TBXAS1: variants seen among roughly 807,000 people sequenced by gnomAD.
TBXAS1 encodes the protein thromboxane A synthase 1.
A neutral mutation model predicts 60.7 loss-of-function variants in TBXAS1; 48 were observed. The ratio of observed to expected loss-of-function variants is 0.79; its 90% CI spans 0.63 to 1.01. TBXAS1 has a LOEUF of 1.01. TBXAS1 is among the 50% of genes least tolerant of loss of function. TBXAS1 has a pLI of 0.00. For missense variants in TBXAS1, 685 were observed against 686.3 expected, an observed-to-expected ratio of 1.00 and a Z score of 0.02; for synonymous variants, 287 against 269.7, an observed-to-expected ratio of 1.06 and a Z score of -0.63.
At chr7:139,968,021 T>C (rs1404712462) in intron 9 of TBXAS1, among the ~76,000 whole-genome samples, 1 of 152,230 alleles carries the variant, frequency 6.6e-6, no homozygotes, top group African/African-American at 2.4e-5. Flanking sequence ...CTCAGCAGTT[T>C]TGCCTTATTG....
chr7:139,989,632 T>C (rs953433122), intron 9 of TBXAS1, among the ~76,000 whole-genome samples: 1 of 152,150 alleles, frequency 6.6e-6, no homozygotes, highest in African/African-American at 2.4e-5. Flanking sequence ...CCTCACAGCA[T>C]CCTCCCCATC....
rs988553191 is a variant in TBXAS1 at position 139,953,376 on chromosome 7, C to A, written c.459C>A (p.Pro153=). ...FSPEKLNEMV[P]LISQACDLLL... ...TTGTTATCCATTATCAGATGGTTCCCCTCATCAGCCAAGCCTGCGACCTTC... is the reference window on the plus strand; with the variant it reads ...TTGTTATCCATTATCAGATGGTTCCACTCATCAGCCAAGCCTGCGACCTTC... Residue 153 remains proline, a synonymous_variant, in exon 6 of 13, where the codon CCC becomes CCA. Coordinates refer to ENST00000448866, the MANE Select transcript of TBXAS1 (RefSeq NM_001061.7). The A allele has an allele frequency of 6.2e-7, 1 of 1,614,022 alleles. No individual in the cohort carries two copies. The highest frequency in any genetic ancestry group is 8.5e-7 in the Non-Finnish European group (1 of 1,179,878).
At chr7:139,888,259 C>T (rs539429241) in intron 3 of TBXAS1, among the ~76,000 whole-genome samples, 4 of 152,322 alleles carry the variant, frequency 2.6e-5, no homozygotes, top group Non-Finnish European at 4.4e-5. Flanking sequence ...GTCTGCCTTT[C>T]GGTTCTGCCT....
intron 3 of TBXAS1, among the ~76,000 whole-genome samples, chr7:139,878,034 T>C (rs1404018357): frequency 6.6e-6 from 1 of 152,036 alleles, no homozygotes; most frequent in East Asian, 1.9e-4. Context: ...GTAGAGCCTT[T>C]GGGTATTTAA....
chr7:139,873,349 G>A (rs1222830587), intron 2 of TBXAS1, among the ~76,000 whole-genome samples: 1 of 152,160 alleles, frequency 6.6e-6, no homozygotes, highest in Non-Finnish European at 1.5e-5. Flanking sequence ...TTGAGGACAG[G>A]GACATTGAAA....
intron 4 of TBXAS1, among the ~76,000 whole-genome samples, chr7:139,789,883 G>A (rs1317385657): frequency 1.3e-5 from 2 of 151,580 alleles, no homozygotes; most frequent in Admixed American, 6.6e-5. Context: ...TCCCCTCCTC[G>A]GCCTCCCAAA....
At chr7:139,960,454 G>A (rs1239499477) in intron 8 of TBXAS1, among the ~76,000 whole-genome samples, 4 of 152,126 alleles carry the variant, frequency 2.6e-5, no homozygotes, top group Non-Finnish European at 2.9e-5. Flanking sequence ...TATGGAGGAG[G>A]AAAAGCAACC....
Position 139,859,859 on chromosome 7 carries a change from C to T in TBXAS1, c.90-12376C>T, listed in dbSNP as rs117721492. The stretch of plus-strand genomic sequence containing the variant: ...TTTCTTTATAAAACGTTATCTTTGG[C>T]CAGGCATGGTGGCTGACACCTGTAA... On this transcript the variant is annotated intron_variant, in intron 1 of 12. Transcript: ENST00000448866. 2.2e-3 allele frequency among the ~76,000 whole-genome samples: 332 copies of T among 152,242 alleles called. 2 individuals are homozygous for T. In the East Asian group the frequency reaches 0.033, roughly 15 times the overall value.
At chr7:139,815,075 T>G (rs1217591514) in intron 4 of TBXAS1, among the ~76,000 whole-genome samples, 1 of 152,220 alleles carries the variant, frequency 6.6e-6, no homozygotes, top group African/African-American at 2.4e-5. Flanking sequence ...TACATGATAC[T>G]GATAAGAAAC....
At chr7:139,984,640 G>GGGAGAA in intron 9 of TBXAS1, among the ~76,000 whole-genome samples, 1 of 99,786 alleles carries the variant, frequency 1.0e-5, no homozygotes, top group Admixed American at 1.0e-4. Flanking sequence ...GAGAGAGAGA[G>GGGAGAA]AGAAAGAAAG....
intron 9 of TBXAS1, among the ~76,000 whole-genome samples, chr7:139,970,162 A>G (rs1392007368): frequency 6.6e-6 from 1 of 152,178 alleles, no homozygotes; most frequent in Non-Finnish European, 1.5e-5. Flanking sequence ...GCTGGAGTGC[A>G]GTGGCACGAT....
upstream of TBXAS1, among the ~76,000 whole-genome samples, chr7:139,826,804 C>T (rs1434189140): frequency 6.6e-6 from 1 of 152,180 alleles, no homozygotes; most frequent in Non-Finnish European, 1.5e-5. Flanking sequence ...TTCATATTTT[C>T]AGCCATCAGT....
chr7:139,979,910 C>G (rs957946550), intron 9 of TBXAS1, among the ~76,000 whole-genome samples: 6 of 151,616 alleles, frequency 4.0e-5, no homozygotes, highest in African/African-American at 1.5e-4. Flanking sequence ...GTCAATATTT[C>G]CATGTAACAT....
chr7:139,893,016 G>A (rs956023841), intron 3 of TBXAS1, among the ~76,000 whole-genome samples: 5 of 152,090 alleles, frequency 3.3e-5, no homozygotes, highest in African/African-American at 1.2e-4. Flanking sequence ...CATCTCTAAA[G>A]TATTATGATC....
At chr7:139,952,810 A>T in intron 5 of TBXAS1, 2 of 994,540 alleles carry the variant, frequency 2.0e-6, no homozygotes, top group Non-Finnish European at 2.8e-6. Flanking sequence ...TCGAAAGCTT[A>T]GCGGCTTAAG....
chr7:139,985,589 T>C (rs1812391941), intron 9 of TBXAS1, among the ~76,000 whole-genome samples: 1 of 152,220 alleles, frequency 6.6e-6, no homozygotes, highest in African/African-American at 2.4e-5. Context: ...CTTCCTATTA[T>C]TTGTTCTAAA....
intron 3 of TBXAS1, among the ~76,000 whole-genome samples, chr7:139,889,712 G>T (rs1003559793): frequency 1.3e-5 from 2 of 152,198 alleles, no homozygotes; most frequent in Non-Finnish European, 2.9e-5. Context: ...GGTGGAAGAG[G>T]TGAAAGAGCT....
At chr7:139,951,306 G>T (rs1379439686) in intron 5 of TBXAS1, among the ~76,000 whole-genome samples, 1 of 152,122 alleles carries the variant, frequency 6.6e-6, no homozygotes, top group African/African-American at 2.4e-5. Flanking sequence ...GACGTGTAGG[G>T]TACAGATCTC....
chr7:139,827,739 G>T (rs772653316), upstream of TBXAS1, among the ~76,000 whole-genome samples: 3 of 152,088 alleles, frequency 2.0e-5, no homozygotes, highest in Non-Finnish European at 4.4e-5. Context: ...TTCATATATG[G>T]TGCTTAGTTT....
Sources: allele counts gnomAD v4.1 joint callset (sites outside exome capture counted in the v4.1 genomes callset), GRCh38; gene constraint gnomAD v4.1.1; transcripts MANE v1.5; gene names NCBI Gene and HGNC (gene_info 2026-07-23, HGNC 2026-07-21).